PGM1: variants seen among roughly 807,000 people sequenced by gnomAD.
PGM1 encodes phosphoglucomutase-1.
Under a neutral mutation model 55.6 loss-of-function variants are expected in PGM1, and 52 were observed. The ratio of observed to expected loss-of-function variants is 0.94; its 90% CI spans 0.75 to 1.18. The LOEUF is 1.18. Ranked by LOEUF, PGM1 falls within the 50% of genes most tolerant of loss-of-function variation. PGM1 has a pLI of 0.00. For missense variants in PGM1, 724 were observed against 729.3 expected (o/e 0.99, Z 0.08); for synonymous variants, 287 against 271.7 (o/e 1.06, Z -0.55).
chr1:63,629,423 A>G lies in PGM1; in HGVS notation c.247-2A>G, dbSNP rs1244451512. 3.1e-6 allele frequency: 5 copies of G among 1,612,638 alleles called. No individual in the cohort carries two copies. Among genetic ancestry groups the G allele is most frequent in the Non-Finnish European group, 4.2e-6 (5 of 1,178,934 alleles). ...GAGTGTGTTCTGGATTTCTTCTCCTAGATCGGTCGCTTGGTTATCGGACAG... is the reference window on the plus strand; with the variant it reads ...GAGTGTGTTCTGGATTTCTTCTCCTGGATCGGTCGCTTGGTTATCGGACAG... On this transcript the variant is annotated splice_acceptor_variant, in intron 1 of 10. Coordinates refer to ENST00000371084, the MANE Select transcript of PGM1 (RefSeq NM_002633.3). LOFTEE classifies it high-confidence loss of function.
chr1:63,627,825 G>A (rs1649077021), intron 1 of PGM1, among the ~76,000 whole-genome samples: 1 of 152,060 alleles, frequency 6.6e-6, no homozygotes, highest in Non-Finnish European at 1.5e-5. Flanking sequence ...GGACATTCTG[G>A]AACTGCCCGA....
At chr1:63,596,734 T>G (rs1485875363) in intron 1 of PGM1, among the ~76,000 whole-genome samples, 1 of 152,162 alleles carries the variant, frequency 6.6e-6, no homozygotes, top group Non-Finnish European at 1.5e-5. Context: ...AGTGCTCCTT[T>G]CCCATAGATA....
intron 1 of PGM1, among the ~76,000 whole-genome samples, chr1:63,617,248 G>C (rs1648760929): frequency 6.6e-6 from 1 of 152,184 alleles, no homozygotes; most frequent in South Asian, 2.1e-4. Flanking sequence ...CAGCAGGTGA[G>C]GCCTGGCTCA....
At chr1:63,601,012 G>A (rs1648229064) in intron 1 of PGM1, among the ~76,000 whole-genome samples, 1 of 152,100 alleles carries the variant, frequency 6.6e-6, no homozygotes, top group African/African-American at 2.4e-5. Context: ...TATACTGGGG[G>A]CTTGCAAATT....
chr1:63,650,606 A>G (rs1401148026), intron 8 of PGM1, among the ~76,000 whole-genome samples: 1 of 152,190 alleles, frequency 6.6e-6, no homozygotes, highest in Non-Finnish European at 1.5e-5. Flanking sequence ...TATGATATCT[A>G]TTTCACGATT....
intron 1 of PGM1, among the ~76,000 whole-genome samples, chr1:63,613,289 TAGC>T (rs930711706): frequency 3.2e-5 from 4 of 126,496 alleles, no homozygotes; most frequent in Admixed American, 7.4e-5. Flanking sequence ...TTTAAGCACT[TAGC>T]AGTTTCCTAG....
chr1:63,654,024 T>A (rs1171776434), intron 9 of PGM1, among the ~76,000 whole-genome samples: 1 of 152,184 alleles, frequency 6.6e-6, no homozygotes, highest in African/African-American at 2.4e-5. Flanking sequence ...CAAACTGGAA[T>A]GGTTAGTCCA....
intron 1 of PGM1, among the ~76,000 whole-genome samples, chr1:63,618,093 A>G (rs769158436): frequency 1.3e-5 from 2 of 152,210 alleles, no homozygotes; most frequent in Non-Finnish European, 2.9e-5. Context: ...GCTTCATTCA[A>G]ACTTGACTAC....
At chr1:63,602,495 A>G (rs943924496) in intron 1 of PGM1, among the ~76,000 whole-genome samples, 1 of 152,206 alleles carries the variant, frequency 6.6e-6, no homozygotes, top group African/African-American at 2.4e-5. Flanking sequence ...TGATTGATTC[A>G]GCCCAATAAG....
chr1:63,629,440 A>G lies in PGM1; in HGVS notation c.262A>G (p.Ile88Val), dbSNP rs855314. 229,656 of 1,611,504 alleles carry G rather than the reference A, an allele frequency of 0.14. 17,798 individuals carry two copies. Among genetic ancestry groups the G allele is most frequent in the African/African-American group, 0.25 (18,686 of 74,854 alleles). ...AAANGIGRLV[I>V]GQNGILSTPA... ...CTTCTCCTAGATCGGTCGCTTGGTT[A>G]TCGGACAGAATGGAATCCTCTCCAC... The change falls in exon 2 of 11, where the codon ATC (isoleucine) becomes GTC (valine). Residue 88 changes from isoleucine (I) to valine (V), a missense_variant. By Grantham distance (29) the Ile-to-Val change is conservative. Around this residue, in one of 3 missense-constraint regions of PGM1, gnomAD observed 379 missense variants for 357.5 expected, o/e 1.06. Coordinates refer to ENST00000371084, the MANE Select transcript of PGM1 (RefSeq NM_002633.3).
chr1:63,635,040 G>A lies in PGM1; in HGVS notation c.873+21G>A, dbSNP rs755189248. On this transcript the variant is annotated intron_variant, in intron 5 of 10. Transcript: ENST00000371084. Reference sequence around the variant, plus strand: ...ATGGGGTGGGTATAAGTGCATTTAAGTGAACTCTGGTGCAGGCCAGGCCTG... The same window carrying A: ...ATGGGGTGGGTATAAGTGCATTTAAATGAACTCTGGTGCAGGCCAGGCCTG... 6.9e-6 allele frequency: 11 copies of A among 1,601,806 alleles called. No individual in the cohort carries two copies. In the South Asian group the frequency reaches 1.1e-4, roughly 16 times the overall value.
intron 8 of PGM1, among the ~76,000 whole-genome samples, chr1:63,649,612 A>G (rs74079711): frequency 0.015 from 2,212 of 152,362 alleles, 57 homozygotes; most frequent in African/African-American, 0.051. Flanking sequence ...CAGATTTTAT[A>G]GTCCGTGATC....
In PGM1 at chr1:63,608,874, G is replaced by A. The variant is rs182050005; in HGVS notation, c.246+15140G>A. Among the ~76,000 whole-genome samples the A allele has an allele frequency of 1.2e-4, 19 of 152,310 alleles. No homozygotes were observed. In the East Asian group the frequency reaches 2.3e-3, roughly 19 times the overall value. The stretch of plus-strand genomic sequence containing the variant: ...AGAAGTGGTATTCGAAAGAGTAATC[G>A]TAATATCTGCCTTGAAAGATTCTTG... On this transcript the variant is annotated intron_variant, in intron 1 of 10. Transcript: ENST00000371084.
At chr1:63,644,911 A>G (rs1203863629) in intron 7 of PGM1, among the ~76,000 whole-genome samples, 2 of 152,212 alleles carry the variant, frequency 1.3e-5, no homozygotes, top group East Asian at 3.9e-4. Context: ...CCTCAAATTC[A>G]GGTTTATCTG....
At chr1:63,639,082 G>A (rs1216606346) in intron 7 of PGM1, among the ~76,000 whole-genome samples, 2 of 152,090 alleles carry the variant, frequency 1.3e-5, no homozygotes, top group South Asian at 2.1e-4. Context: ...GGATTAAACA[G>A]AGCGATAAAC....
At chr1:63,623,292 A>G in intron 1 of PGM1, 5 of 1,446,728 alleles carry the variant, frequency 3.5e-6, no homozygotes, top group South Asian at 1.5e-5. Context: ...AAGGGACAAC[A>G]ACAACAAGGA....
At position 63,659,583 on chromosome 1, in the gene PGM1, C is replaced by T. The variant is rs375450688; in HGVS notation, c.1600-3C>T. ...GAAAAGCTTCTCTCTATGTCTTCCT[C>T]AGGTCATGTTGGCCCCCCTTATTTC... On this transcript the variant is annotated splice_polypyrimidine_tract_variant and splice_region_variant and intron_variant, in intron 10 of 10. Transcript: ENST00000371084. 285 of 1,612,528 alleles carry T rather than the reference C, an allele frequency of 1.8e-4. No individual in the cohort carries two copies. The highest frequency in any genetic ancestry group is 2.2e-4 in the Non-Finnish European group (265 of 1,178,774).
chr1:63,644,169 C>G (rs955858407), intron 7 of PGM1, among the ~76,000 whole-genome samples: 2 of 152,336 alleles, frequency 1.3e-5, no homozygotes, highest in Middle Eastern at 3.4e-3. Flanking sequence ...TGTGCCCTGG[C>G]TGAGCCGAGT....
intron 4 of PGM1, among the ~76,000 whole-genome samples, chr1:63,633,926 A>T (rs1570498494): frequency 6.2e-5 from 4 of 64,790 alleles, no homozygotes; most frequent in African/African-American, 2.9e-4. Flanking sequence ...GTGTATATAT[A>T]TATATATTTT....
Sources: gnomAD v4.1 joint callset for allele counts (sites outside exome capture counted in the v4.1 genomes callset) on GRCh38, gnomAD v4.1.1 for gene constraint, gnomAD v4.1.1 regional missense constraint, MANE v1.5 for transcripts, NCBI Gene and HGNC (gene_info 2026-07-23, HGNC 2026-07-21) for gene names.